The following TSPAN18 variants were observed in gnomAD, a reference collection of about 807,000 sequenced individuals.
TSPAN18 encodes the protein tetraspanin-18.
In TSPAN18, 14 loss-of-function variants were observed where a neutral mutation model predicts 27.3. The ratio of observed to expected loss-of-function variants is 0.51; its 90% CI spans 0.34 to 0.80. The LOEUF is 0.80. Among genes scored for constraint, TSPAN18 ranks in the 30% least tolerant of loss-of-function variants. The probability of loss-of-function intolerance (pLI) is 0.01; values close to 1 mark genes in which losing one functional copy is unlikely to be tolerated. For missense variants in TSPAN18, 268 were observed against 323.9 expected (o/e 0.83, Z 1.32); for synonymous variants, 143 against 136.5 (o/e 1.05, Z -0.33).
intron 2 of TSPAN18, among the ~76,000 whole-genome samples, chr11:44,796,363 G>T (rs2135056298): frequency 6.6e-6 from 1 of 152,284 alleles, no homozygotes; most frequent in South Asian, 2.1e-4. Context: ...ATGGATGGCA[G>T]GGTCCTCTGC....
At chr11:44,808,883 T>C (rs1290380290) in intron 2 of TSPAN18, among the ~76,000 whole-genome samples, 1 of 152,182 alleles carries the variant, frequency 6.6e-6, no homozygotes, top group Non-Finnish European at 1.5e-5. Context: ...AGTTTGGCAC[T>C]TGGGTCTATG....
rs749633356 is a variant in TSPAN18, at chr11:44,929,200, A to G, written c.*22A>G. ...GTAGAGGGTATGGCCTGAAGCCTGAAGACTCGCCCCACCCACCACTGCCCA... is the reference window on the plus strand; with the variant it reads ...GTAGAGGGTATGGCCTGAAGCCTGAGGACTCGCCCCACCCACCACTGCCCA... On this transcript the variant is annotated 3_prime_UTR_variant, in exon 10 of 10. Transcript: ENST00000520358. 6.2e-7 allele frequency: 1 copy of G among 1,613,178 alleles called. No individual in the cohort carries two copies. Among genetic ancestry groups the G allele is most frequent in the Non-Finnish European group, 8.5e-7 (1 of 1,179,978 alleles).
chr11:44,821,236 A>C (rs1476785891), intron 2 of TSPAN18, among the ~76,000 whole-genome samples: 1 of 152,216 alleles, frequency 6.6e-6, no homozygotes, highest in Non-Finnish European at 1.5e-5. Context: ...TACACTCCTC[A>C]GTGTACACAT....
At chr11:44,784,813 C>T (rs1419066650) in intron 2 of TSPAN18, among the ~76,000 whole-genome samples, 3 of 152,088 alleles carry the variant, frequency 2.0e-5, no homozygotes, top group East Asian at 1.9e-4. Context: ...ATCAAGGCTC[C>T]GGGAGTTAAA....
chr11:44,838,162 G>A (rs978487631), intron 2 of TSPAN18, among the ~76,000 whole-genome samples: 2 of 152,166 alleles, frequency 1.3e-5, no homozygotes, highest in East Asian at 1.9e-4. Flanking sequence ...AGATATGCCC[G>A]AGACTGGGTA....
At chr11:44,773,463 C>T (rs1855736283) in intron 2 of TSPAN18, among the ~76,000 whole-genome samples, 1 of 152,048 alleles carries the variant, frequency 6.6e-6, no homozygotes, top group Non-Finnish European at 1.5e-5. Flanking sequence ...GTGACTGCAG[C>T]AATTGTTTAG....
chr11:44,924,452 C>T (rs765540258), intron 8 of TSPAN18, among the ~76,000 whole-genome samples: 1 of 152,302 alleles, frequency 6.6e-6, no homozygotes, highest in Non-Finnish European at 1.5e-5. Flanking sequence ...CAACCAGGCC[C>T]TAAGGACCAT....
intron 2 of TSPAN18, among the ~76,000 whole-genome samples, chr11:44,822,777 A>G (rs1403018536): frequency 6.6e-6 from 1 of 152,146 alleles, no homozygotes; most frequent in African/African-American, 2.4e-5. Context: ...AATGAAGACC[A>G]GGACCCTGCT....
At chr11:44,919,774 C>T (rs781737912) in intron 7 of TSPAN18, 43 bp from the exon 8 acceptor site, 1 of 1,599,860 alleles carries the variant, frequency 6.3e-7, no homozygotes, top group South Asian at 1.1e-5. Context: ...GCCCCTGTGT[C>T]CTCCTCCTGC....
At chr11:44,733,864 G>T (rs1364608269) in intron 1 of TSPAN18, among the ~76,000 whole-genome samples, 1 of 152,150 alleles carries the variant, frequency 6.6e-6, no homozygotes, top group African/African-American at 2.4e-5. Context: ...CCTTGTGAGA[G>T]TGGGCAGGGA....
At chr11:44,773,847 C>T (rs1377265263) in intron 2 of TSPAN18, among the ~76,000 whole-genome samples, 3 of 152,116 alleles carry the variant, frequency 2.0e-5, no homozygotes, top group African/African-American at 7.2e-5. Flanking sequence ...GGTTGCAGTT[C>T]GTAAAAGCCA....
intron 1 of TSPAN18, among the ~76,000 whole-genome samples, chr11:44,748,908 G>A (rs910708565): frequency 3.3e-5 from 5 of 152,196 alleles, no homozygotes; most frequent in Admixed American, 1.3e-4. Context: ...AATGTATTGA[G>A]AGCGTACCAC....
intron 1 of TSPAN18, among the ~76,000 whole-genome samples, chr11:44,755,750 G>C (rs190746762): frequency 6.6e-6 from 1 of 152,188 alleles, no homozygotes. Flanking sequence ...GCCTGGCATC[G>C]GCTTGGGAGA....
intron 3 of TSPAN18, among the ~76,000 whole-genome samples, chr11:44,870,921 C>T (rs1858177187): frequency 6.6e-6 from 1 of 152,152 alleles, no homozygotes; most frequent in Non-Finnish European, 1.5e-5. Context: ...ACTAGACTCA[C>T]ACAGATCACC....
intron 3 of TSPAN18, among the ~76,000 whole-genome samples, chr11:44,863,801 C>G (rs1173115815): frequency 6.6e-6 from 1 of 152,004 alleles, no homozygotes; most frequent in Non-Finnish European, 1.5e-5. Context: ...ATAGTCACTT[C>G]TCGTAAGACT....
At chr11:44,850,566 A>C (rs1355905453) in intron 2 of TSPAN18, among the ~76,000 whole-genome samples, 2 of 152,124 alleles carry the variant, frequency 1.3e-5, no homozygotes, top group Admixed American at 6.5e-5. Context: ...TAATAATAAT[A>C]GTTTCCACTT....
intron 1 of TSPAN18, chr11:44,736,256 C>T (rs1309651071): frequency 1.3e-5 from 2 of 152,160 alleles, no homozygotes; most frequent in African/African-American, 2.4e-5. Context: ...GTTTGCCAGT[C>T]GTGTTATTCA....
At position 44,916,893 on chromosome 11, in the gene TSPAN18, A is replaced by G. The variant is rs964362260; in HGVS notation, c.259-1079A>G. Among the ~76,000 whole-genome samples, 38 of 152,236 alleles carry G rather than the reference A, an allele frequency of 2.5e-4. 1 individual carries two copies. Among genetic ancestry groups the G allele is most frequent in the African/African-American group, 8.7e-4 (36 of 41,466 alleles). ...GATAGGGTGACAACGGACTTTGTCA[A>G]GGGCACCAGCTATGCTGAGTAATGA... On this transcript the variant is annotated intron_variant, in intron 5 of 9. Transcript: ENST00000520358.
chr11:44,735,910 G>A (rs1351152531), intron 1 of TSPAN18, among the ~76,000 whole-genome samples: 2 of 151,986 alleles, frequency 1.3e-5, no homozygotes, highest in African/African-American at 4.8e-5. Flanking sequence ...AGCCACCAGC[G>A]CCCAGCCATG....
Sources: allele counts gnomAD v4.1 joint callset (sites outside exome capture counted in the v4.1 genomes callset), GRCh38; gene constraint gnomAD v4.1.1; transcripts MANE v1.5; gene names NCBI Gene and HGNC (gene_info 2026-07-23, HGNC 2026-07-21).